WWP2: variants seen among roughly 807,000 people sequenced by gnomAD.
WWP2 encodes the protein NEDD4-like E3 ubiquitin-protein ligase WWP2.
A neutral mutation model predicts 121.0 loss-of-function variants in WWP2; 57 were observed. That is an observed-to-expected ratio of 0.47 (90% confidence interval 0.38 to 0.59). The LOEUF (loss-of-function observed/expected upper bound fraction) is 0.59. Ranked by LOEUF, WWP2 falls within the 20% of genes least tolerant of loss-of-function variation. The probability of loss-of-function intolerance (pLI) is 0.00; values close to 1 mark genes in which losing one functional copy is unlikely to be tolerated. For synonymous variants in WWP2, 449 were observed against 441.3 expected, an observed-to-expected ratio of 1.02 and a Z score of -0.22; for missense variants, 962 against 1,158.9, an observed-to-expected ratio of 0.83 and a Z score of 2.47.
At position 69,931,859 on chromosome 16, in the gene WWP2, G is replaced by A. The variant is rs763693568; in HGVS notation, c.1651G>A (p.Glu551Lys). 6 of 1,613,688 alleles carry A rather than the reference G, an allele frequency of 3.7e-6. No individual in the cohort carries two copies. The highest frequency in any genetic ancestry group is 4.2e-6 in the Non-Finnish European group (5 of 1,180,006). Residue 551 changes from glutamate (E) to lysine (K), a missense_variant, in exon 16 of 24, where the codon GAG (glutamate) becomes AAG (lysine). Glu to Lys is a moderately conservative substitution (Grantham distance 56). This residue lies in a region of WWP2 where 606 missense variants were observed against 772.6 expected (regional missense o/e 0.78). Transcript: ENST00000359154. ...CCGGCTCTACATCATCATGCGTGGCGAGGAGGGCCTGGACTATGGGGGCAT... is the reference window on the plus strand; with the variant it reads ...CCGGCTCTACATCATCATGCGTGGCAAGGAGGGCCTGGACTATGGGGGCAT... ...RRRLYIIMRG[E>K]EGLDYGGIAR...
intron 6 of WWP2, among the ~76,000 whole-genome samples, chr16:69,861,121 T>C (rs1292523931): frequency 6.6e-6 from 1 of 152,184 alleles, no homozygotes; most frequent in African/African-American, 2.4e-5. Context: ...GGCAACAGTG[T>C]CCTATGCACT....
intron 8 of WWP2, among the ~76,000 whole-genome samples, chr16:69,901,674 C>G (rs1035971609): frequency 3.9e-5 from 6 of 152,120 alleles, no homozygotes; most frequent in African/African-American, 1.2e-4. Flanking sequence ...CTAATAATGC[C>G]CAGTGCTTGT....
intron 4 of WWP2, among the ~76,000 whole-genome samples, chr16:69,835,100 A>G (rs2965759): frequency 0.86 from 130,120 of 152,048 alleles, 55,937 homozygotes; most frequent in Admixed American, 0.91. Context: ...TTATGGAAAT[A>G]GACTCACTAA....
At chr16:69,906,866 C>G (rs1253243457) in intron 8 of WWP2, among the ~76,000 whole-genome samples, 1 of 151,886 alleles carries the variant, frequency 6.6e-6, no homozygotes, top group Non-Finnish European at 1.5e-5. Context: ...GGCAACAGAG[C>G]AAGACTCTGT....
chr16:69,939,974 A>G lies in WWP2; in HGVS notation c.*34A>G, dbSNP rs928919362. 1 of 1,576,452 alleles carries G rather than the reference A, an allele frequency of 6.3e-7. No individual in the cohort carries two copies. Among genetic ancestry groups the G allele is most frequent in the Non-Finnish European group, 8.7e-7 (1 of 1,153,374 alleles). On this transcript the variant is annotated 3_prime_UTR_variant, in exon 24 of 24. Coordinates refer to ENST00000359154, the MANE Select transcript of WWP2 (RefSeq NM_001270454.2). ...GCCCCTCCCACGCCCCCCAGCGCAC[A>G]TGTAGTCCTGAGTCCTCCCTGCCTG...
chr16:69,895,037 T>C (rs1028994094), intron 8 of WWP2: 1 of 152,224 alleles, frequency 6.6e-6, no homozygotes, highest in Admixed American at 6.5e-5. Context: ...TGAGGAGGGA[T>C]GTTTTCTGGA....
chr16:69,863,896 A>T (rs1247310772), intron 6 of WWP2, among the ~76,000 whole-genome samples: 3 of 152,182 alleles, frequency 2.0e-5, no homozygotes, highest in African/African-American at 7.2e-5. Context: ...CCAGCACTTT[A>T]TTCCTTTTAT....
rs189555623 is a variant in WWP2 at position 69,904,219 on chromosome 16, C to A, written c.915-4542C>A. Among the ~76,000 whole-genome samples the A allele has an allele frequency of 7.1e-3, 1,079 of 152,310 alleles. 7 individuals are homozygous for A. Among genetic ancestry groups the A allele is most frequent in the Non-Finnish European group, 0.012 (789 of 68,022 alleles). On this transcript the variant is annotated intron_variant, in intron 8 of 23. Transcript: ENST00000359154. ...AGGTATTTGGAGAATTGCTGTGAAG[C>A]TACAGTATGTCGGCTGTCTTCTGTG...
rs768339492 is a variant in WWP2 at position 69,937,721 on chromosome 16, G to C, written c.2343+69G>C. The stretch of plus-strand genomic sequence containing the variant: ...AACCAAAGGAAACGGGTCCTGAGGA[G>C]GCCTCACGCGCAAGGACCTTCAGCT... On this transcript the variant is annotated intron_variant, in intron 21 of 23. Transcript: ENST00000359154. The surrounding 1 kb of genome is among the most constrained non-coding windows in gnomAD (Gnocchi z 6.6). The C allele has an allele frequency of 1.1e-5, 17 of 1,488,222 alleles. No homozygotes were observed. Among genetic ancestry groups the C allele is most frequent in the Non-Finnish European group, 1.6e-5 (17 of 1,076,566 alleles). The allele number at this position is 1,488,222 out of a possible 1,614,324, so 92.2% of individuals were successfully genotyped here.
intron 6 of WWP2, among the ~76,000 whole-genome samples, chr16:69,859,265 A>G (rs2057373435): frequency 1.3e-5 from 2 of 152,306 alleles, no homozygotes; most frequent in Admixed American, 6.5e-5. Flanking sequence ...ATCAAAGGTC[A>G]TTCAGGGCTG....
intron 4 of WWP2, among the ~76,000 whole-genome samples, chr16:69,827,375 CAG>C (rs781557823): frequency 6.6e-6 from 1 of 152,222 alleles, no homozygotes; most frequent in South Asian, 2.1e-4. Context: ...GCCTGGGCGA[CAG>C]AGACTCCATC....
intron 4 of WWP2, among the ~76,000 whole-genome samples, chr16:69,820,385 G>T (rs1213208033): frequency 1.3e-5 from 2 of 152,104 alleles, no homozygotes; most frequent in African/African-American, 4.8e-5. Flanking sequence ...GGGATTAAAG[G>T]CATGTGCCAC....
At chr16:69,834,651 C>T (rs936438423) in intron 4 of WWP2, among the ~76,000 whole-genome samples, 7 of 150,960 alleles carry the variant, frequency 4.6e-5, no homozygotes, top group Middle Eastern at 3.2e-3. Flanking sequence ...CTCAGCCTCC[C>T]GAGTTGTTGG....
At chr16:69,908,495 A>G (rs1019761665) in intron 8 of WWP2, among the ~76,000 whole-genome samples, 15 of 152,252 alleles carry the variant, frequency 9.9e-5, no homozygotes, top group East Asian at 5.8e-4. Flanking sequence ...TATTCCTGTC[A>G]GTCATTTAGG....
At chr16:69,781,267 G>T (rs1373392283) in intron 1 of WWP2, among the ~76,000 whole-genome samples, 1 of 152,032 alleles carries the variant, frequency 6.6e-6, no homozygotes, top group Non-Finnish European at 1.5e-5. Context: ...GGGCCATGAG[G>T]TCAGAGAGGG....
Position 69,940,234 on chromosome 16 carries a change from C to G in WWP2, c.*294C>G. ...CTCTCCCCTGTCCTCTAGACCCCACCCTGGGTGTATGTGAGTGTGCAAGGG... is the reference window on the plus strand; with the variant it reads ...CTCTCCCCTGTCCTCTAGACCCCACGCTGGGTGTATGTGAGTGTGCAAGGG... On this transcript the variant is annotated 3_prime_UTR_variant, in exon 24 of 24. Coordinates refer to ENST00000359154, the MANE Select transcript of WWP2 (RefSeq NM_001270454.2). 2.3e-6 allele frequency: 1 copy of G among 425,730 alleles called. No individual in the cohort carries two copies. The highest frequency in any genetic ancestry group is 3.9e-5 in the South Asian group (1 of 25,594). The allele number at this position is 425,730 out of a possible 1,614,324, so 26.4% of individuals were successfully genotyped here.
In WWP2 at chr16:69,937,102, T is replaced by C; in HGVS notation, c.2118-16T>C. The C allele has an allele frequency of 1.9e-6, 3 of 1,613,496 alleles. No homozygotes were observed. The highest frequency in any genetic ancestry group is 2.5e-6 in the Non-Finnish European group (3 of 1,179,700). The stretch of plus-strand genomic sequence containing the variant: ...GTGGGTCTCAGACTCCACCCATGGC[T>C]GCTCTTTGGTCTCAGGCTGCTGACT... On this transcript the variant is annotated splice_polypyrimidine_tract_variant and intron_variant, in intron 19 of 23. Coordinates refer to ENST00000359154, the MANE Select transcript of WWP2 (RefSeq NM_001270454.2). The surrounding 1 kb of genome is among the most constrained non-coding windows in gnomAD (Gnocchi z 6.6).
At chr16:69,804,081 G>T (rs940312359) in intron 4 of WWP2, among the ~76,000 whole-genome samples, 1 of 152,016 alleles carries the variant, frequency 6.6e-6, no homozygotes. Context: ...GGTATTGAAA[G>T]AACTCTTTAT....
chr16:69,871,644 G>A (rs2057638052), intron 6 of WWP2, 160 bp from the exon 7 acceptor site: 1 of 1,037,006 alleles, frequency 9.6e-7, no homozygotes, highest in Non-Finnish European at 1.4e-6. Flanking sequence ...GGGTCTCTCT[G>A]CTTGGAACCA....
Sources: gnomAD v4.1 joint callset for allele counts (sites outside exome capture counted in the v4.1 genomes callset) on GRCh38, gnomAD v4.1.1 for gene constraint, gnomAD v4.1.1 regional missense constraint, Gnocchi (gnomAD v3.1) non-coding constraint, MANE v1.5 for transcripts, NCBI Gene and HGNC (gene_info 2026-07-23, HGNC 2026-07-21) for gene names.